The following PRMT3 variants were observed in gnomAD, a reference collection of about 807,000 sequenced individuals.
The protein encoded by PRMT3 is protein arginine N-methyltransferase 3.
PRMT3 carries 62 observed loss-of-function variants against 71.9 expected under a neutral mutation model. The observed-to-expected ratio is 0.86, with a 90% CI of 0.70 to 1.07. The LOEUF is 1.07. Among genes scored for constraint, PRMT3 ranks in the 50% least tolerant of loss-of-function variants. The pLI is 0.00. For synonymous variants in PRMT3, 213 were observed against 220.4 expected (o/e 0.97, Z 0.30); for missense variants, 663 against 643.0 (o/e 1.03, Z -0.34).
intron 13 of PRMT3, among the ~76,000 whole-genome samples, chr11:20,472,131 C>G (rs1303805128): frequency 1.3e-5 from 2 of 152,160 alleles, no homozygotes; most frequent in African/African-American, 4.8e-5. Flanking sequence ...GATACAGGAT[C>G]ATGTCATCTG....
chr11:20,422,988 T>G (rs1296648353), intron 9 of PRMT3, among the ~76,000 whole-genome samples: 1 of 152,178 alleles, frequency 6.6e-6, no homozygotes, highest in East Asian at 1.9e-4. Flanking sequence ...GTAGCTTATG[T>G]AGGGAAGGAA....
chr11:20,453,245 C>T (rs1850190364), intron 11 of PRMT3, among the ~76,000 whole-genome samples: 1 of 150,750 alleles, frequency 6.6e-6, no homozygotes, highest in Non-Finnish European at 1.5e-5. Flanking sequence ...CTCTGAGAGG[C>T]CATGGCAGGC....
At chr11:20,432,831 G>A (rs1849683579) in intron 10 of PRMT3, among the ~76,000 whole-genome samples, 1 of 152,010 alleles carries the variant, frequency 6.6e-6, no homozygotes, top group Admixed American at 6.5e-5. Flanking sequence ...TAATATACCT[G>A]CTGGCCTTTT....
rs1849107634 is a variant in PRMT3, at chr11:20,407,918, T to C, written c.779T>C (p.Leu260Ser). The C allele has an allele frequency of 4.3e-6, 7 of 1,610,004 alleles. No homozygotes were observed. The highest frequency in any genetic ancestry group is 5.1e-6 in the Non-Finnish European group (6 of 1,177,620). Residue 260 changes from leucine (L) to serine (S), a missense_variant, in exon 9 of 16, where the codon TTG (leucine) becomes TCG (serine). Physicochemically the swap from Leu to Ser is moderately radical, Grantham distance 145 (BLOSUM62 -2). Coordinates refer to ENST00000331079, the MANE Select transcript of PRMT3 (RefSeq NM_005788.4). ...TTTTCTTAATTACCCTAGGTAGTTT[T>C]GGATGTTGGGTGTGGAACTGGAATT... Reference protein sequence around the residue: ...NPHIFKDKVVLDVGCGTGILS... With the variant: ...NPHIFKDKVVSDVGCGTGILS...
At chr11:20,455,224 G>A (rs1252763261) in intron 11 of PRMT3, among the ~76,000 whole-genome samples, 1 of 152,108 alleles carries the variant, frequency 6.6e-6, no homozygotes, top group Non-Finnish European at 1.5e-5. Flanking sequence ...AATGTTTTAT[G>A]TGCTAACCGT....
chr11:20,464,496 G>C lies in PRMT3; in HGVS notation c.1297G>C (p.Glu433Gln). 1 of 1,611,096 alleles carries C rather than the reference G, an allele frequency of 6.2e-7. No individual in the cohort carries two copies. Among genetic ancestry groups the C allele is most frequent in the Non-Finnish European group, 8.5e-7 (1 of 1,178,782 alleles). ...CCATACGACGTCTATCTCAGATTTG[G>C]AATTTTCATCAGATTTTACCCTGAA... Reference protein sequence around the residue: ...DCHTTSISDLEFSSDFTLKIT... With the variant: ...DCHTTSISDLQFSSDFTLKIT... The change falls in exon 13 of 16, where the codon GAA becomes CAA. Residue 433 changes from glutamate (E) to glutamine (Q), a missense_variant. By Grantham distance (29) the Glu-to-Gln change is conservative. Transcript: ENST00000331079.
chr11:20,506,215 A>G (rs1443553), intron 15 of PRMT3, among the ~76,000 whole-genome samples: 2,915 of 152,276 alleles, frequency 0.019, 93 homozygotes, highest in African/African-American at 0.065. Context: ...ATATAAGCAT[A>G]AATTATCTAA....
At chr11:20,451,461 T>A (rs988944451) in intron 10 of PRMT3, among the ~76,000 whole-genome samples, 2 of 152,016 alleles carry the variant, frequency 1.3e-5, no homozygotes, top group African/African-American at 2.4e-5. Flanking sequence ...TTCTTAAACC[T>A]TTTTGACTAA....
At chr11:20,469,912 C>A (rs1351365850) in intron 13 of PRMT3, among the ~76,000 whole-genome samples, 1 of 151,878 alleles carries the variant, frequency 6.6e-6, no homozygotes, top group African/African-American at 2.4e-5. Flanking sequence ...AGGAATTTTT[C>A]TTTTACTACA....
intron 6 of PRMT3, among the ~76,000 whole-genome samples, chr11:20,396,844 C>A (rs1848837205): frequency 6.6e-6 from 1 of 152,324 alleles, no homozygotes; most frequent in Non-Finnish European, 1.5e-5. Flanking sequence ...GCCTGAGATT[C>A]TGCATTTCTG....
At chr11:20,489,685 A>T (rs2133447544) in intron 13 of PRMT3, among the ~76,000 whole-genome samples, 1 of 152,184 alleles carries the variant, frequency 6.6e-6, no homozygotes, top group South Asian at 2.1e-4. Context: ...TTATATCATT[A>T]TTCCTTATTT....
In PRMT3 at chr11:20,503,630, ATT is replaced by A. The variant is rs369672175; in HGVS notation, c.1487-4663_1487-4662del. Among the ~76,000 whole-genome samples the A allele has an allele frequency of 4.8e-5, 7 of 145,190 alleles. No individual in the cohort carries two copies. In the East Asian group the frequency reaches 1.2e-3, roughly 25 times the overall value. ...CAGCATGTACTCTAGCTTTCTTGGC[ATT>A]TTTTTTTTTTGAGATTCTTCTATCA... On this transcript the variant is annotated intron_variant, in intron 15 of 15. Transcript: ENST00000331079.
At chr11:20,389,647 C>T in intron 2 of PRMT3, 97 bp from the exon 3 acceptor site, 2 of 621,330 alleles carry the variant, frequency 3.2e-6, no homozygotes, top group Non-Finnish European at 4.9e-6. Flanking sequence ...TAGAAACCAG[C>T]AGAGTTAAAA....
In PRMT3 at chr11:20,492,184, A is replaced by C. The variant is rs115215205; in HGVS notation, c.1348-1735A>C. ...GTATAATAAACACATTTGCTCATCAAATATTGTATTGTATTGTATCCTATG... is the reference window on the plus strand; with the variant it reads ...GTATAATAAACACATTTGCTCATCACATATTGTATTGTATTGTATCCTATG... On this transcript the variant is annotated intron_variant, in intron 13 of 15. Transcript: ENST00000331079. Among the ~76,000 whole-genome samples, 1,456 of 152,268 alleles carry C rather than the reference A, an allele frequency of 9.6e-3. 31 individuals are homozygous for C. Among genetic ancestry groups the C allele is most frequent in the African/African-American group, 0.034 (1,405 of 41,548 alleles).
At chr11:20,451,889 A>G (rs1325177171) in intron 10 of PRMT3, among the ~76,000 whole-genome samples, 1 of 152,198 alleles carries the variant, frequency 6.6e-6, no homozygotes, top group African/African-American at 2.4e-5. Context: ...AAGTAGAATC[A>G]TAGATAAAGA....
intron 9 of PRMT3, among the ~76,000 whole-genome samples, chr11:20,416,066 A>G (rs1441652043): frequency 6.6e-6 from 1 of 152,096 alleles, no homozygotes; most frequent in Non-Finnish European, 1.5e-5. Flanking sequence ...TCATCTATCC[A>G]TGATGTTTCT....
intron 5 of PRMT3, chr11:20,393,813 C>G (rs1422346755): frequency 6.6e-6 from 1 of 151,846 alleles, no homozygotes; most frequent in African/African-American, 2.4e-5. Flanking sequence ...CAGAAACTGG[C>G]CAAACAGTTT....
chr11:20,492,079 G>A (rs1851220822), intron 13 of PRMT3, among the ~76,000 whole-genome samples: 1 of 152,206 alleles, frequency 6.6e-6, no homozygotes, highest in Non-Finnish European at 1.5e-5. Flanking sequence ...ATAGAAGTGA[G>A]TTATACATAT....
At chr11:20,421,067 C>T (rs1235353898) in intron 9 of PRMT3, among the ~76,000 whole-genome samples, 2 of 151,960 alleles carry the variant, frequency 1.3e-5, no homozygotes, top group African/African-American at 4.8e-5. Context: ...GAGACAGGGT[C>T]TTAGTTTGTC....
Sources: allele counts gnomAD v4.1 joint callset (sites outside exome capture counted in the v4.1 genomes callset), GRCh38; gene constraint gnomAD v4.1.1; transcripts MANE v1.5; gene names NCBI Gene and HGNC (gene_info 2026-07-23, HGNC 2026-07-21).